Variants in COL19A1 observed in about 807,000 individuals in gnomAD.
The protein encoded by COL19A1 is collagen type XIX alpha 1 chain.
Under a neutral mutation model 190.2 loss-of-function variants are expected in COL19A1, and 159 were observed. The observed-to-expected ratio is 0.84, with a 90% confidence interval of 0.73 to 0.95. The LOEUF (loss-of-function observed/expected upper bound fraction) is 0.95. Ranked by LOEUF, COL19A1 falls within the 40% of genes least tolerant of loss-of-function variation. COL19A1 has a pLI of 0.00. For missense variants in COL19A1, 1,418 were observed against 1,431.9 expected (o/e 0.99, Z 0.16); for synonymous variants, 509 against 458.9 (o/e 1.11, Z -1.39).
chr6:69,931,158 G>GA lies in COL19A1; in HGVS notation c.666+1465dup, dbSNP rs1381554753. 2.0e-5 allele frequency among the ~76,000 whole-genome samples: 3 copies of GA among 151,980 alleles called. No individual in the cohort carries two copies. The East Asian group carries it at 5.8e-4, about 29-fold the overall frequency. On this transcript the variant is annotated intron_variant, in intron 6 of 50. Transcript: ENST00000620364. ...GTGTTTATTTGGGCTGTGTGTTATT[G>GA]AAAAAAATTATCATGATTTAGTTTT...
intron 37 of COL19A1, 138 bp downstream of exon 37, chr6:70,166,123 T>C (rs1245710437): frequency 1.1e-5 from 9 of 783,134 alleles, no homozygotes; most frequent in Non-Finnish European, 2.0e-5. Flanking sequence ...TGATAGCCAA[T>C]GTAGCTTTAA....
intron 1 of COL19A1, among the ~76,000 whole-genome samples, chr6:69,876,203 T>C (rs999112183): frequency 1.5e-4 from 23 of 152,170 alleles, no homozygotes; most frequent in Non-Finnish European, 2.2e-4. Context: ...GAACATTTAG[T>C]CAACTAGCCA....
chr6:69,947,397 G>A (rs1375925842), intron 9 of COL19A1, among the ~76,000 whole-genome samples: 1 of 151,702 alleles, frequency 6.6e-6, no homozygotes, highest in East Asian at 1.9e-4. Flanking sequence ...TTGCAGTTTA[G>A]CATCTTATTC....
At chr6:70,013,496 T>A in intron 11 of COL19A1, among the ~76,000 whole-genome samples, 1 of 49,204 alleles carries the variant, frequency 2.0e-5, no homozygotes, top group Non-Finnish European at 3.1e-5. Flanking sequence ...GAGAGAAGAA[T>A]CAAATAGACA....
chr6:69,895,673 G>A (rs2096061), intron 2 of COL19A1, among the ~76,000 whole-genome samples: 25,537 of 152,176 alleles, frequency 0.17, 2,750 homozygotes, highest in African/African-American at 0.3. Flanking sequence ...ACCTCAGTGG[G>A]CGGGCTGGTT....
At chr6:70,142,706 A>C in intron 22 of COL19A1, 61 bp from the exon 23 acceptor site, 2 of 1,434,986 alleles carry the variant, frequency 1.4e-6, no homozygotes, top group Non-Finnish European at 1.9e-6. Context: ...ATACTCAGGT[A>C]CAATCTATCT....
intron 6 of COL19A1, 62 bp from the exon 7 acceptor site, chr6:69,932,721 T>C (rs1257732782): frequency 1.2e-5 from 11 of 914,230 alleles, no homozygotes; most frequent in Admixed American, 1.1e-4. Context: ...ACTGTAGTTC[T>C]TAACTGCCTG....
At chr6:69,890,321 T>C (rs183555144) in intron 2 of COL19A1, 1 of 152,328 alleles carries the variant, frequency 6.6e-6, no homozygotes, top group East Asian at 1.9e-4. Flanking sequence ...ACTTCTAATT[T>C]CTCCTCTTTC....
chr6:70,010,788 C>T lies in COL19A1; in HGVS notation c.1027-12839C>T, dbSNP rs1357025428. 7.9e-5 allele frequency among the ~76,000 whole-genome samples: 10 copies of T among 127,040 alleles called. 3 individuals carry two copies. In the East Asian group the frequency reaches 2.6e-3, roughly 33 times the overall value. The allele number at this position is 127,040 out of a possible 152,430, so 83.3% of individuals were successfully genotyped here. ...GGCGGCAACGAGGCTGGGGGAGGGG[C>T]GCCCGCCATTGCCCAGGCTTGCTTA... is the stretch of plus-strand genomic sequence containing the variant. On this transcript the variant is annotated intron_variant, in intron 11 of 50. Coordinates refer to ENST00000620364, the MANE Select transcript of COL19A1 (RefSeq NM_001858.6).
At chr6:70,113,911 C>T (rs919138657) in intron 16 of COL19A1, among the ~76,000 whole-genome samples, 4 of 129,708 alleles carry the variant, frequency 3.1e-5, no homozygotes, top group Middle Eastern at 5.5e-3. Context: ...AGTGTAGTGG[C>T]GTGATCTCAG....
At position 70,149,897 on chromosome 6, in the gene COL19A1, G is replaced by A; in HGVS notation, c.1976G>A (p.Gly659Glu). The A allele has an allele frequency of 6.2e-7, 1 of 1,613,662 alleles. No homozygotes were observed. Among genetic ancestry groups the A allele is most frequent in the Non-Finnish European group, 8.5e-7 (1 of 1,179,790 alleles). Residue 659 changes from glycine (G) to glutamate (E), a missense_variant, in exon 29 of 51, where the codon GGG (glycine) becomes GAG (glutamate). By Grantham distance (98) the Gly-to-Glu change is moderately conservative. Transcript: ENST00000620364. Reference sequence around the variant, plus strand: ...TTGCCAGGAACTCCAGGGACTCCAGGGAATGATGTAAGGACTTTCTTTATC... The same window carrying A: ...TTGCCAGGAACTCCAGGGACTCCAGAGAATGATGTAAGGACTTTCTTTATC... ...PGLPGTPGTP[G>E]NDGVPGRDGK...
chr6:70,037,479 A>C (rs975861312), intron 14 of COL19A1, among the ~76,000 whole-genome samples: 2 of 152,186 alleles, frequency 1.3e-5, no homozygotes, highest in Non-Finnish European at 2.9e-5. Flanking sequence ...AATTAAAAAA[A>C]AAAAATTATT....
At chr6:70,191,736 A>G (rs1377964552) in intron 48 of COL19A1, among the ~76,000 whole-genome samples, 1 of 152,208 alleles carries the variant, frequency 6.6e-6, no homozygotes, top group Non-Finnish European at 1.5e-5. Context: ...AGATTTAACA[A>G]ATGAATCCAT....
intron 9 of COL19A1, among the ~76,000 whole-genome samples, chr6:69,944,339 A>G (rs573984887): frequency 6.6e-6 from 1 of 152,242 alleles, no homozygotes; most frequent in South Asian, 2.1e-4. Flanking sequence ...AGAACAACAC[A>G]TAAATAATAG....
rs1406525173 is a variant in COL19A1, at chr6:70,141,943, T to G, written c.1518+15T>G. The G allele has an allele frequency of 6.2e-7, 1 of 1,608,112 alleles. No homozygotes were observed. The highest frequency in any genetic ancestry group is 8.5e-7 in the Non-Finnish European group (1 of 1,175,026). On this transcript the variant is annotated intron_variant, in intron 21 of 50. Coordinates refer to ENST00000620364, the MANE Select transcript of COL19A1 (RefSeq NM_001858.6). ...AGGGAGTAAAGGTAATTTCCTGGCA[T>G]TCTTCAATTTCCTCTCCAACCTTAA...
At chr6:70,140,920 G>T (rs372606457) in intron 19 of COL19A1, 34 bp from the exon 20 acceptor site, 1 of 1,605,746 alleles carries the variant, frequency 6.2e-7, no homozygotes, top group Non-Finnish European at 8.5e-7. Context: ...ATTTCTAAGA[G>T]CGTTTAATTC....
intron 46 of COL19A1, 58 bp from the exon 47 acceptor site, chr6:70,188,017 C>G (rs1240810019): frequency 6.3e-7 from 1 of 1,590,112 alleles, no homozygotes; most frequent in Non-Finnish European, 8.5e-7. Context: ...AACTTTTGCT[C>G]TCAACTACAG....
At chr6:69,900,121 A>C (rs1190169303) in intron 3 of COL19A1, 118 bp from the exon 4 acceptor site, 2 of 517,368 alleles carry the variant, frequency 3.9e-6, no homozygotes, top group Non-Finnish European at 6.4e-6. Context: ...TGCTGATCCC[A>C]AGCAGCAAGA....
chr6:69,940,195 A>G (rs1052020529), intron 9 of COL19A1, among the ~76,000 whole-genome samples: 1 of 152,132 alleles, frequency 6.6e-6, no homozygotes, highest in African/African-American at 2.4e-5. Context: ...TAGAGCCTAT[A>G]CCTTTTAAGG....
Sources: allele counts gnomAD v4.1 joint callset (sites outside exome capture counted in the v4.1 genomes callset), GRCh38; gene constraint gnomAD v4.1.1; transcripts MANE v1.5; gene names NCBI Gene and HGNC (gene_info 2026-07-23, HGNC 2026-07-21).